The following GABRA3 variants were observed in gnomAD, a reference collection of about 807,000 sequenced individuals.
GABRA3 encodes gamma-aminobutyric acid receptor subunit alpha-3.
GABRA3 carries 10 observed loss-of-function variants against 30.1 expected under a neutral mutation model. That is an observed-to-expected ratio of 0.33 (90% CI 0.20 to 0.56). The LOEUF is 0.56. Ranked by LOEUF, GABRA3 falls within the 20% of genes least tolerant of loss-of-function variation. The pLI is 0.89. For synonymous variants in GABRA3, 151 were observed against 146.8 expected, an observed-to-expected ratio of 1.03 and a Z score of -0.21; for missense variants, 233 against 392.0, an observed-to-expected ratio of 0.59 and a Z score of 3.42.
chrX:152,303,809 CA>C (rs1355231198), intron 3 of GABRA3, among the ~76,000 whole-genome samples: 1 of 108,109 alleles, frequency 9.2e-6, no homozygotes, highest in Non-Finnish European at 1.9e-5. Context: ...TGGGGCCTGT[CA>C]GGGGGTGGGG....
At chrX:152,256,966 C>T (rs1055210929) in intron 4 of GABRA3, among the ~76,000 whole-genome samples, 2 of 111,388 alleles carry the variant, frequency 1.8e-5, no homozygotes, top group African/African-American at 3.3e-5. Context: ...GGATGGAAGA[C>T]TCAAAAGTAA....
At chrX:152,240,885 T>G (rs1308595420) in intron 5 of GABRA3, among the ~76,000 whole-genome samples, 3 of 89,932 alleles carry the variant, frequency 3.3e-5, no homozygotes, top group Admixed American at 1.3e-4. Flanking sequence ...TTATTCTAGT[T>G]ATACATTCTT....
chrX:152,373,874 G>A (rs1345207865), intron 1 of GABRA3, among the ~76,000 whole-genome samples: 6 of 107,740 alleles, frequency 5.6e-5, no homozygotes, highest in East Asian at 2.9e-4. Context: ...GAGAACATGC[G>A]GCGTTTGGTT....
rs140357000 is a variant in GABRA3 at position 152,339,726 on chromosome X, G to A, written c.262+5855C>T. Among the ~76,000 whole-genome samples the A allele has an allele frequency of 4.2e-3, 466 of 110,630 alleles. 5 individuals are homozygous for A. Among genetic ancestry groups the A allele is most frequent in the African/African-American group, 0.013 (403 of 30,454 alleles). ...ACTTGTTCCATTATCTAATTCGGGC[G>A]TTGTTGAAATCTCTAACTATATTAT... On this transcript the variant is annotated intron_variant, in intron 3 of 9. Coordinates refer to ENST00000370314, the MANE Select transcript of GABRA3 (RefSeq NM_000808.4).
chrX:152,255,182 A>C (rs942072623), intron 5 of GABRA3, among the ~76,000 whole-genome samples: 57 of 111,969 alleles, frequency 5.1e-4, no homozygotes, highest in Non-Finnish European at 9.4e-5. Flanking sequence ...ATAGATAGAG[A>C]TATAATCTTA....
intron 4 of GABRA3, among the ~76,000 whole-genome samples, chrX:152,269,179 C>G (rs1938882036): frequency 1.8e-5 from 2 of 111,566 alleles, no homozygotes; most frequent in Non-Finnish European, 3.8e-5. Context: ...AATCAACATT[C>G]AAAAACAGTA....
chrX:152,231,454 C>A (rs926133774), intron 5 of GABRA3, among the ~76,000 whole-genome samples: 5 of 110,240 alleles, frequency 4.5e-5, no homozygotes, highest in Non-Finnish European at 7.6e-5. Context: ...ATTAAAACTA[C>A]AATGAGATAC....
At chrX:152,251,995 C>A (rs1157039792) in intron 5 of GABRA3, among the ~76,000 whole-genome samples, 1 of 111,216 alleles carries the variant, frequency 9.0e-6, no homozygotes, top group African/African-American at 3.3e-5. Context: ...TGAGAACTTG[C>A]TGTCAGCGAT....
rs187242813 is a variant in GABRA3 at position 152,263,997 on chromosome X, A to G, written c.331-7999T>C. Among the ~76,000 whole-genome samples, 44 of 111,863 alleles carry G rather than the reference A, an allele frequency of 3.9e-4. No individual in the cohort carries two copies. The East Asian group carries it at 0.011, about 27-fold the overall frequency. On this transcript the variant is annotated intron_variant, in intron 4 of 9. Coordinates refer to ENST00000370314, the MANE Select transcript of GABRA3 (RefSeq NM_000808.4). ...AATCTATTGAAAATATCCTTCAAACATGAAAAAGAAATAAATAATTTCCCA... is the reference window on the plus strand; with the variant it reads ...AATCTATTGAAAATATCCTTCAAACGTGAAAAAGAAATAAATAATTTCCCA...
intron 1 of GABRA3, among the ~76,000 whole-genome samples, chrX:152,434,211 G>A (rs985350737): frequency 1.8e-5 from 2 of 110,814 alleles, no homozygotes; most frequent in African/African-American, 6.6e-5. Flanking sequence ...AATCTAGTGG[G>A]CACAATCTAA....
intron 5 of GABRA3, 63 bp downstream of exon 5, chrX:152,255,715 A>T: frequency 1.0e-6 from 1 of 993,680 alleles, no homozygotes; most frequent in East Asian, 3.0e-5. Context: ...ACTCTAAAAC[A>T]TTCTGCTTTC....
chrX:152,187,689 G>A (rs1436911765), intron 9 of GABRA3, among the ~76,000 whole-genome samples: 1 of 111,177 alleles, frequency 9.0e-6, no homozygotes, highest in African/African-American at 3.3e-5. Context: ...AACAAGTGAT[G>A]CTCAAACTAC....
At chrX:152,265,404 T>C (rs1363940939) in intron 4 of GABRA3, among the ~76,000 whole-genome samples, 1 of 111,147 alleles carries the variant, frequency 9.0e-6, no homozygotes, top group African/African-American at 3.3e-5. Flanking sequence ...GACCAATGGG[T>C]CATTGAAGGA....
intron 9 of GABRA3, chrX:152,186,960 G>A (rs919099126): frequency 1.8e-5 from 2 of 111,412 alleles, no homozygotes; most frequent in African/African-American, 6.5e-5. Context: ...TAAAATCTAT[G>A]ACATTTTCTG....
chrX:152,363,077 C>A (rs1241931098), intron 2 of GABRA3, among the ~76,000 whole-genome samples: 1 of 111,397 alleles, frequency 9.0e-6, no homozygotes, highest in East Asian at 2.8e-4. Context: ...GAGTCATTGG[C>A]ATTTACATAT....
At chrX:152,275,118 T>A (rs1292283476) in intron 4 of GABRA3, among the ~76,000 whole-genome samples, 1 of 81,095 alleles carries the variant, frequency 1.2e-5, no homozygotes, top group Non-Finnish European at 2.3e-5. Context: ...TTATTTAATT[T>A]AAACATTAAA....
chrX:152,319,401 T>C (rs976627753), intron 3 of GABRA3, among the ~76,000 whole-genome samples: 4 of 111,358 alleles, frequency 3.6e-5, no homozygotes, highest in African/African-American at 1.3e-4. Context: ...TGGGACAAAA[T>C]AGAGAACCCA....
At chrX:152,199,883 A>G (rs1191058660) in intron 7 of GABRA3, among the ~76,000 whole-genome samples, 2 of 110,458 alleles carry the variant, frequency 1.8e-5, no homozygotes, top group African/African-American at 6.6e-5. Flanking sequence ...TCAATCAGCC[A>G]ACTCTTCCAG....
chrX:152,377,627 AAAC>A (rs747782345), intron 1 of GABRA3, among the ~76,000 whole-genome samples: 7 of 111,535 alleles, frequency 6.3e-5, no homozygotes, highest in African/African-American at 9.8e-5. Flanking sequence ...AGAGAAAAAA[AAAC>A]AACCTAAGGA....
Sources: gnomAD v4.1 joint callset for allele counts (sites outside exome capture counted in the v4.1 genomes callset) on GRCh38, gnomAD v4.1.1 for gene constraint, MANE v1.5 for transcripts, NCBI Gene and HGNC (gene_info 2026-07-23, HGNC 2026-07-21) for gene names.